ARHGAP10: variants seen among roughly 807,000 people sequenced by gnomAD.
The protein encoded by ARHGAP10 is rho GTPase-activating protein 10.
A neutral mutation model predicts 108.6 loss-of-function variants in ARHGAP10; 87 were observed. That is an observed-to-expected ratio of 0.80 (90% CI 0.67 to 0.96). The LOEUF is 0.96. Among genes scored for constraint, ARHGAP10 ranks in the 40% least tolerant of loss-of-function variants. ARHGAP10 has a pLI of 0.00. For missense variants in ARHGAP10, 939 were observed against 954.5 expected, an observed-to-expected ratio of 0.98 and a Z score of 0.21; for synonymous variants, 347 against 341.1, an observed-to-expected ratio of 1.02 and a Z score of -0.19.
At chr4:147,985,511 G>A (rs1295448958) in intron 18 of ARHGAP10, among the ~76,000 whole-genome samples, 1 of 152,140 alleles carries the variant, frequency 6.6e-6, no homozygotes, top group Non-Finnish European at 1.5e-5. Flanking sequence ...CTTACTTTTG[G>A]ACCTGTGATG....
chr4:147,875,235 A>G, intron 8 of ARHGAP10, 85 bp downstream of exon 8: 4 of 1,377,870 alleles, frequency 2.9e-6, no homozygotes, highest in Non-Finnish European at 3.8e-6. Context: ...TTACTGTGAC[A>G]TTTTGGGCAA....
intron 1 of ARHGAP10, among the ~76,000 whole-genome samples, chr4:147,773,700 A>G (rs1730169423): frequency 6.6e-6 from 1 of 152,192 alleles, no homozygotes; most frequent in South Asian, 2.1e-4. Flanking sequence ...CTGTGTACCA[A>G]AAGCCTTAAA....
At chr4:147,922,413 G>A (rs1737278277) in intron 13 of ARHGAP10, among the ~76,000 whole-genome samples, 1 of 151,794 alleles carries the variant, frequency 6.6e-6, no homozygotes, top group African/African-American at 2.4e-5. Flanking sequence ...AAGTTGGCCG[G>A]GCGCGGTGGC....
chr4:147,869,998 T>TTTTGTGTGTG (rs1553958574), intron 7 of ARHGAP10, among the ~76,000 whole-genome samples: 9 of 93,068 alleles, frequency 9.7e-5, no homozygotes, highest in African/African-American at 3.5e-4. Flanking sequence ...AAGTCCCAGT[T>TTTTGTGTGTG]TGTGTGTGTG....
chr4:147,911,488 G>A lies in ARHGAP10; in HGVS notation c.1163-1586G>A, dbSNP rs1048041963. 4.6e-5 allele frequency among the ~76,000 whole-genome samples: 7 copies of A among 152,194 alleles called. No individual in the cohort carries two copies. The East Asian group carries it at 5.8e-4, about 13-fold the overall frequency. ...CTCCGTTTTCCTGTCTCAACCTCCC[G>A]AGTAACTGGGACTACAGGTGCCCAC... On this transcript the variant is annotated intron_variant, in intron 12 of 22. Coordinates refer to ENST00000336498, the MANE Select transcript of ARHGAP10 (RefSeq NM_024605.4).
chr4:147,897,445 A>G (rs776665303), intron 10 of ARHGAP10, among the ~76,000 whole-genome samples: 10 of 152,002 alleles, frequency 6.6e-5, no homozygotes, highest in African/African-American at 1.2e-4. Context: ...TAAATCTGCC[A>G]TCTTGATTTT....
chr4:148,005,324 C>G (rs1202204186), intron 18 of ARHGAP10, among the ~76,000 whole-genome samples: 4 of 152,100 alleles, frequency 2.6e-5, no homozygotes. Context: ...TGGCTCATGG[C>G]TGAAATCTGA....
At chr4:147,906,546 TAA>T in intron 10 of ARHGAP10, 90 bp from the exon 11 acceptor site, 1 of 864,234 alleles carries the variant, frequency 1.2e-6, no homozygotes, top group Non-Finnish European at 1.8e-6. Context: ...CAGATAAAAG[TAA>T]AAAAAAAATG....
At chr4:147,870,918 A>G (rs1270588605) in intron 7 of ARHGAP10, among the ~76,000 whole-genome samples, 3 of 149,688 alleles carry the variant, frequency 2.0e-5, no homozygotes, top group African/African-American at 4.9e-5. Flanking sequence ...TAGAATACCA[A>G]AACTACAGAC....
intron 18 of ARHGAP10, among the ~76,000 whole-genome samples, chr4:148,015,440 A>G (rs1198614576): frequency 6.6e-6 from 1 of 152,184 alleles, no homozygotes; most frequent in African/African-American, 2.4e-5. Flanking sequence ...GATAACTAGG[A>G]TACTTTCCAG....
At chr4:148,047,843 A>G (rs1728955644) in intron 20 of ARHGAP10, among the ~76,000 whole-genome samples, 1 of 151,814 alleles carries the variant, frequency 6.6e-6, no homozygotes, top group Admixed American at 6.6e-5. Context: ...TTTTTTAAAG[A>G]TGGAGTTTTG....
At chr4:147,990,661 T>C (rs926896504) in intron 18 of ARHGAP10, among the ~76,000 whole-genome samples, 1 of 152,116 alleles carries the variant, frequency 6.6e-6, no homozygotes, top group Non-Finnish European at 1.5e-5. Flanking sequence ...GTCTATTAAG[T>C]GAACTAACAT....
chr4:148,043,216 C>T (rs1728708526), intron 19 of ARHGAP10, among the ~76,000 whole-genome samples: 1 of 152,090 alleles, frequency 6.6e-6, no homozygotes, highest in African/African-American at 2.4e-5. Flanking sequence ...TCTGAGGATG[C>T]TGCAAGGAAG....
intron 1 of ARHGAP10, among the ~76,000 whole-genome samples, chr4:147,768,904 A>G (rs915729396): frequency 6.6e-6 from 1 of 152,034 alleles, no homozygotes; most frequent in Non-Finnish European, 1.5e-5. Context: ...ATACCTGGCT[A>G]ATTTTGTATT....
intron 7 of ARHGAP10, among the ~76,000 whole-genome samples, chr4:147,874,817 G>A (rs1194357055): frequency 1.3e-5 from 2 of 152,104 alleles, no homozygotes; most frequent in Non-Finnish European, 2.9e-5. Context: ...ATACTCCTCT[G>A]GTAGCTATTT....
chr4:147,756,074 T>G (rs1439542225), intron 1 of ARHGAP10, among the ~76,000 whole-genome samples: 1 of 151,600 alleles, frequency 6.6e-6, no homozygotes, highest in Admixed American at 6.6e-5. Context: ...TTTCTTGCCT[T>G]TTTCCTCATG....
intron 4 of ARHGAP10, chr4:147,854,635 T>G: frequency 1.1e-6 from 1 of 905,776 alleles, no homozygotes; most frequent in Non-Finnish European, 1.3e-6. Flanking sequence ...CTTTATTGAA[T>G]GCTACTTGAA....
chr4:147,829,908 A>C (rs1035967770), intron 3 of ARHGAP10, among the ~76,000 whole-genome samples: 1 of 152,252 alleles, frequency 6.6e-6, no homozygotes, highest in African/African-American at 2.4e-5. Context: ...GTTGAGACCC[A>C]GAGGTTCAGG....
intron 1 of ARHGAP10, among the ~76,000 whole-genome samples, chr4:147,770,271 C>T (rs6535559): frequency 0.74 from 113,308 of 152,192 alleles, 48,105 homozygotes; most frequent in Non-Finnish European, 0.93. Flanking sequence ...CAGTGGTTCA[C>T]GCCTGTCTGT....
Sources: gnomAD v4.1 joint callset for allele counts (sites outside exome capture counted in the v4.1 genomes callset) on GRCh38, gnomAD v4.1.1 for gene constraint, MANE v1.5 for transcripts, NCBI Gene and HGNC (gene_info 2026-07-23, HGNC 2026-07-21) for gene names.